The following ADD3 variants were observed in gnomAD, a reference collection of about 807,000 sequenced individuals.
ADD3 encodes adducin 3.
In ADD3, 25 loss-of-function variants were observed where a neutral mutation model predicts 80.2. That is an observed-to-expected ratio of 0.31 (90% confidence interval 0.23 to 0.44). ADD3 has a LOEUF of 0.44. ADD3 is among the 20% of genes least tolerant of loss of function. ADD3 has a pLI of 1.00. For missense variants in ADD3, 829 were observed against 847.5 expected, an observed-to-expected ratio of 0.98 and a Z score of 0.27; for synonymous variants, 284 against 289.6, an observed-to-expected ratio of 0.98 and a Z score of 0.20.
chr10:110,056,398 G>A (rs367908116), intron 1 of ADD3, among the ~76,000 whole-genome samples: 24 of 152,284 alleles, frequency 1.6e-4, no homozygotes, highest in African/African-American at 5.8e-4. Flanking sequence ...GCAGGAAAGT[G>A]CAATTGAAAA....
At chr10:110,126,270 A>G (rs750966728) in intron 11 of ADD3, 147 bp from the exon 12 acceptor site, 32 of 636,766 alleles carry the variant, frequency 5.0e-5, no homozygotes, top group Middle Eastern at 4.0e-4. Context: ...AGTTGTTAGG[A>G]TGGTAAAAGA....
chr10:110,065,480 CTCTG>C (rs1197052953), intron 1 of ADD3, among the ~76,000 whole-genome samples: 4 of 60,228 alleles, frequency 6.6e-5, no homozygotes, highest in African/African-American at 2.0e-4. Context: ...GTGTGTCTGT[CTCTG>C]TCTGTCTCTC....
intron 1 of ADD3, among the ~76,000 whole-genome samples, chr10:110,096,460 G>GA (rs1299385931): frequency 1.3e-5 from 2 of 152,156 alleles, no homozygotes; most frequent in African/African-American, 2.4e-5. Context: ...GTTGCTGTGT[G>GA]AAAAACAGAA....
chr10:110,110,046 A>G (rs1325896037), intron 2 of ADD3, among the ~76,000 whole-genome samples: 1 of 152,250 alleles, frequency 6.6e-6, no homozygotes, highest in Non-Finnish European at 1.5e-5. Flanking sequence ...TGAATGATTT[A>G]CACTTAACAA....
intron 1 of ADD3, among the ~76,000 whole-genome samples, chr10:110,028,891 T>TG (rs1360382582): frequency 2.6e-5 from 4 of 152,102 alleles, no homozygotes; most frequent in Non-Finnish European, 5.9e-5. Context: ...CTTTTTTTTT[T>TG]TTTTTGAAAC....
At chr10:110,015,406 C>T (rs573239713) in intron 1 of ADD3, among the ~76,000 whole-genome samples, 76 of 145,352 alleles carry the variant, frequency 5.2e-4, no homozygotes, top group Non-Finnish European at 6.9e-4. Context: ...GATGGAGTCT[C>T]GCTCTGTCGC....
At position 110,023,437 on chromosome 10, in the gene ADD3, A is replaced by G. The variant is rs78625864; in HGVS notation, c.-30+15138A>G. On this transcript the variant is annotated intron_variant, in intron 1 of 14. Coordinates refer to ENST00000356080, the MANE Select transcript of ADD3 (RefSeq NM_016824.5). The stretch of plus-strand genomic sequence containing the variant: ...TAAGCTACCCAGCCTATAGTATTCT[A>G]TTATAGCAGCCTGAACAGACTAAGA... Among the ~76,000 whole-genome samples the G allele has an allele frequency of 3.7e-4, 56 of 152,328 alleles. No homozygotes were observed. In the East Asian group the frequency reaches 0.011, roughly 29 times the overall value.
intron 1 of ADD3, among the ~76,000 whole-genome samples, chr10:110,027,442 T>A (rs1467341953): frequency 6.6e-6 from 1 of 152,226 alleles, no homozygotes; most frequent in Non-Finnish European, 1.5e-5. Flanking sequence ...CATTAAAAAA[T>A]TTTTAAAGAA....
Position 110,133,348 on chromosome 10 carries a change from G to C in ADD3, c.1851G>C (p.Lys617Asn), listed in dbSNP as rs1404811559. The C allele has an allele frequency of 1.3e-6, 2 of 1,585,094 alleles. No homozygotes were observed. Among genetic ancestry groups the C allele is most frequent in the Non-Finnish European group, 1.7e-6 (2 of 1,158,728 alleles). The change falls in exon 15 of 15, where the codon AAG becomes AAC. Residue 617 changes from lysine to asparagine, a missense_variant. Coordinates refer to ENST00000356080, the MANE Select transcript of ADD3 (RefSeq NM_016824.5). Reference sequence around the variant, plus strand: ...TAGAAAACCATGAGCTGTTTTCCAAGAGCTTCATCTCCATGGAAGTGCCTG... The same window carrying C: ...TAGAAAACCATGAGCTGTTTTCCAACAGCTTCATCTCCATGGAAGTGCCTG... ...KLEENHELFS[K>N]SFISMEVPVM...
intron 1 of ADD3, among the ~76,000 whole-genome samples, chr10:110,053,684 C>G (rs1386544468): frequency 6.6e-6 from 1 of 152,046 alleles, no homozygotes; most frequent in African/African-American, 2.4e-5. Flanking sequence ...ATGACTGATT[C>G]ATTTTCCTTG....
At chr10:110,131,183 A>AG (rs1370298291) in intron 13 of ADD3, among the ~76,000 whole-genome samples, 3 of 152,212 alleles carry the variant, frequency 2.0e-5, no homozygotes, top group African/African-American at 7.2e-5. Flanking sequence ...ACACTCTAGT[A>AG]GGTTGAGTTT....
At chr10:110,065,170 A>G (rs961404282) in intron 1 of ADD3, among the ~76,000 whole-genome samples, 7 of 152,222 alleles carry the variant, frequency 4.6e-5, no homozygotes, top group African/African-American at 1.7e-4. Context: ...GTAAGTTCAT[A>G]AAACTTTTTA....
At chr10:110,114,074 C>A (rs1173031624) in intron 3 of ADD3, among the ~76,000 whole-genome samples, 2 of 152,106 alleles carry the variant, frequency 1.3e-5, no homozygotes, top group African/African-American at 2.4e-5. Context: ...GATTCCATGG[C>A]GGGAACAAGG....
intron 1 of ADD3, among the ~76,000 whole-genome samples, chr10:110,093,395 T>A (rs1405016236): frequency 6.6e-6 from 1 of 152,228 alleles, no homozygotes; most frequent in African/African-American, 2.4e-5. Flanking sequence ...CTGAGGTTTG[T>A]TTTGTTTCAT....
Position 110,132,344 on chromosome 10 carries a change from T to C in ADD3, c.1772T>C (p.Val591Ala). ...TTACTCTCAGATGACGCTTCATCTG[T>C]TTCACAAATTCAGTCTCAAACTCAG... Reference protein sequence around the residue: ...QELLSDDASSVSQIQSQTQSP... With the variant: ...QELLSDDASSASQIQSQTQSP... The change falls in exon 14 of 15, where the codon GTT becomes GCT. Residue 591 changes from valine (V) to alanine (A), a missense_variant. Val to Ala is a moderately conservative substitution (Grantham distance 64). Transcript: ENST00000356080. 1 of 1,613,956 alleles carries C rather than the reference T, an allele frequency of 6.2e-7. No homozygotes were observed. The highest frequency in any genetic ancestry group is 8.5e-7 in the Non-Finnish European group (1 of 1,179,942).
chr10:110,122,854 A>G (rs1244633555), intron 9 of ADD3, among the ~76,000 whole-genome samples: 2 of 151,458 alleles, frequency 1.3e-5, no homozygotes, highest in Non-Finnish European at 2.9e-5. Flanking sequence ...CTGGTCTTGA[A>G]TTCCTGGGCT....
chr10:109,999,381 T>G (rs946535625), intron 1 of ADD3, among the ~76,000 whole-genome samples: 2 of 152,198 alleles, frequency 1.3e-5, no homozygotes, highest in African/African-American at 4.8e-5. Context: ...GCCACCGCCA[T>G]CACCTAAGGC....
chr10:110,126,686 C>T (rs903349533), intron 12 of ADD3, among the ~76,000 whole-genome samples, 183 bp downstream of exon 12: 5 of 152,162 alleles, frequency 3.3e-5, no homozygotes, highest in Non-Finnish European at 5.9e-5. Flanking sequence ...CTGTTCTTTT[C>T]ATTGCTTCTA....
intron 1 of ADD3, among the ~76,000 whole-genome samples, chr10:110,056,432 T>C (rs1858203053): frequency 6.6e-6 from 1 of 152,240 alleles, no homozygotes; most frequent in Non-Finnish European, 1.5e-5. Context: ...AGACAATTAG[T>C]ATCAACCCCA....
Sources: allele counts gnomAD v4.1 joint callset (sites outside exome capture counted in the v4.1 genomes callset), GRCh38; gene constraint gnomAD v4.1.1; transcripts MANE v1.5; gene names NCBI Gene and HGNC (gene_info 2026-07-23, HGNC 2026-07-21).